Variants in AASDH observed in about 807,000 individuals in gnomAD.
The protein encoded by AASDH is beta-alanine-activating enzyme.
Under a neutral mutation model 102.3 loss-of-function variants are expected in AASDH, and 81 were observed. The ratio of observed to expected loss-of-function variants is 0.79; its 90% CI spans 0.66 to 0.95. The LOEUF is 0.95. Among genes scored for constraint, AASDH ranks in the 40% least tolerant of loss-of-function variants. The pLI is 0.00. For synonymous variants in AASDH, 398 were observed against 454.0 expected, an observed-to-expected ratio of 0.88 and a Z score of 1.57; for missense variants, 1,203 against 1,266.2, an observed-to-expected ratio of 0.95 and a Z score of 0.76.
At chr4:56,381,259 AG>A (rs1218268778) in intron 3 of AASDH, among the ~76,000 whole-genome samples, 2 of 152,198 alleles carry the variant, frequency 1.3e-5, no homozygotes, top group Non-Finnish European at 2.9e-5. Context: ...CACACTAATA[AG>A]TAATTATTTT....
intron 5 of AASDH, among the ~76,000 whole-genome samples, chr4:56,362,253 C>CTT (rs879849570): frequency 6.6e-6 from 1 of 150,966 alleles, no homozygotes; most frequent in Admixed American, 6.6e-5. Context: ...GTTTTGACAG[C>CTT]TTTTTTTTTC....
Position 56,345,202 on chromosome 4 carries a change from C to T in AASDH, c.2577G>A (p.Ser859=), listed in dbSNP as rs141099487. ...MFTTEDAVKS[S]ATMDPTTGLI... Reference sequence around the variant, plus strand: ...GTCCTGTGGTTGGATCCATGGTTGCCGAGCTTTTGACAGCATCTTCAGTAG... The same window carrying T: ...GTCCTGTGGTTGGATCCATGGTTGCTGAGCTTTTGACAGCATCTTCAGTAG... The change falls in exon 12 of 15, where the codon TCG becomes TCA. Residue 859 remains serine (S), a synonymous_variant. Transcript: ENST00000205214. 6.9e-5 allele frequency: 112 copies of T among 1,613,992 alleles called. 2 individuals carry two copies. In the African/African-American group the frequency reaches 8.8e-4, roughly 13 times the overall value.
chr4:56,368,446 A>G (rs1460697014), intron 5 of AASDH, among the ~76,000 whole-genome samples: 1 of 152,028 alleles, frequency 6.6e-6, no homozygotes, highest in African/African-American at 2.4e-5. Flanking sequence ...ACTATTCACA[A>G]TAGCAAAGAC....
intron 14 of AASDH, among the ~76,000 whole-genome samples, chr4:56,342,109 TCAAAAAAAAAAAAAAA>T (rs1429043144): frequency 2.2e-5 from 1 of 45,860 alleles, no homozygotes; most frequent in African/African-American, 8.9e-5. Flanking sequence ...AGATTCTGTC[TCAAAAAAAAAAAAAAA>T]AAAAAAAAAG....
intron 8 of AASDH, 52 bp from the exon 9 acceptor site, chr4:56,353,648 T>C: frequency 6.9e-7 from 1 of 1,458,954 alleles, no homozygotes; most frequent in Non-Finnish European, 9.2e-7. Flanking sequence ...CAAACAAGCT[T>C]CCTAAAAGCT....
intron 2 of AASDH, among the ~76,000 whole-genome samples, chr4:56,383,856 A>G (rs1210532612): frequency 6.6e-6 from 1 of 152,136 alleles, no homozygotes; most frequent in East Asian, 1.9e-4. Flanking sequence ...CTATTAGTGA[A>G]AGCTTCTAGT....
At position 56,365,967 on chromosome 4, in the gene AASDH, T is replaced by C. The variant is rs565332054; in HGVS notation, c.861+5484A>G. Among the ~76,000 whole-genome samples the C allele has an allele frequency of 2.0e-4, 30 of 152,038 alleles. No individual in the cohort carries two copies. The East Asian group carries it at 4.6e-3, about 24-fold the overall frequency. On this transcript the variant is annotated intron_variant, in intron 5 of 14. Coordinates refer to ENST00000205214, the MANE Select transcript of AASDH (RefSeq NM_181806.4). ...GAAAAGATCAACAAAATTGATAGAC[T>C]GCTAGCAAGACTAATAAAGAAGAAA...
chr4:56,380,694 C>A (rs1752849677), intron 3 of AASDH, among the ~76,000 whole-genome samples: 3 of 152,118 alleles, frequency 2.0e-5, no homozygotes, highest in Non-Finnish European at 4.4e-5. Context: ...ATGCTAATGC[C>A]CTCCCAATCA....
chr4:56,359,322 T>G (rs1750015572), intron 5 of AASDH, among the ~76,000 whole-genome samples: 2 of 142,178 alleles, frequency 1.4e-5, no homozygotes, highest in Non-Finnish European at 3.0e-5. Context: ...CACCACAACA[T>G]CCGCCTCCTG....
At chr4:56,343,757 ATT>A in intron 12 of AASDH, 73 bp from the exon 13 acceptor site, 1 of 1,408,576 alleles carries the variant, frequency 7.1e-7, no homozygotes, top group Non-Finnish European at 9.6e-7. Flanking sequence ...CCTTCATGAT[ATT>A]ATGTCTGTTT....
intron 5 of AASDH, among the ~76,000 whole-genome samples, chr4:56,364,599 T>C (rs975759675): frequency 1.3e-5 from 2 of 152,322 alleles, no homozygotes; most frequent in Admixed American, 6.5e-5. Flanking sequence ...CAACCCAGAA[T>C]TTCATATCCA....
At chr4:56,338,854 G>A in intron 14 of AASDH, 63 bp from the exon 15 acceptor site, 1 of 1,465,296 alleles carries the variant, frequency 6.8e-7, no homozygotes, top group South Asian at 1.2e-5. Flanking sequence ...CTCCCTTAAA[G>A]CTCTATGAGG....
rs140605841 is a variant in AASDH, at chr4:56,382,546, C to T, written c.282G>A (p.Pro94=). 6.8e-6 allele frequency: 11 copies of T among 1,608,868 alleles called. No homozygotes were observed. The East Asian group carries it at 8.9e-5, about 13-fold the overall frequency. Residue 94 remains proline (P), a synonymous_variant, in exon 3 of 15, where the codon CCG becomes CCA. Transcript: ENST00000205214. ...TTTTCATAAAATGAGTTGATAATGA[C>T]GGTGGTGAATCTGGCTCGATAGGTA... ...AYVPIEPDSP[P]SLSTHFMKKC...
chr4:56,378,360 G>A lies in AASDH; in HGVS notation c.456C>T (p.Asn152=). The part of the protein sequence containing the change: ...FRLHWKNTEV[N]LMLNDGKEKY... Reference sequence around the variant, plus strand: ...TCTCTTTTCCATCATTTAGCATCAAGTTCACCTCAGTATTTTTCCAGTGAA... The same window carrying A: ...TCTCTTTTCCATCATTTAGCATCAAATTCACCTCAGTATTTTTCCAGTGAA... The change falls in exon 4 of 15, where the codon AAC becomes AAT. Residue 152 remains asparagine, a synonymous_variant. Coordinates refer to ENST00000205214, the MANE Select transcript of AASDH (RefSeq NM_181806.4). 1 of 1,613,672 alleles carries A rather than the reference G, an allele frequency of 6.2e-7. No homozygotes were observed. The highest frequency in any genetic ancestry group is 8.5e-7 in the Non-Finnish European group (1 of 1,179,784).
At chr4:56,366,275 G>A (rs1010016811) in intron 5 of AASDH, among the ~76,000 whole-genome samples, 3 of 152,070 alleles carry the variant, frequency 2.0e-5, no homozygotes, top group South Asian at 4.2e-4. Flanking sequence ...ATTCACAGCC[G>A]AATTCTACCA....
chr4:56,366,426 A>G (rs1452860677), intron 5 of AASDH, among the ~76,000 whole-genome samples: 2 of 152,184 alleles, frequency 1.3e-5, no homozygotes, highest in African/African-American at 2.4e-5. Flanking sequence ...AAAAAAGAGA[A>G]TTTTAGACCA....
intron 10 of AASDH, 75 bp from the exon 11 acceptor site, chr4:56,350,133 T>C: frequency 8.2e-7 from 1 of 1,218,254 alleles, no homozygotes; most frequent in Non-Finnish European, 1.1e-6. Context: ...ACAGGTAATA[T>C]ATAGAGATGA....
At chr4:56,359,451 A>G (rs907596641) in intron 5 of AASDH, among the ~76,000 whole-genome samples, 2 of 149,910 alleles carry the variant, frequency 1.3e-5, no homozygotes, top group Non-Finnish European at 3.0e-5. Flanking sequence ...TTTAGTAGAG[A>G]CGAGGTGTGG....
intron 10 of AASDH, among the ~76,000 whole-genome samples, chr4:56,350,426 C>T (rs192274832): frequency 0.012 from 1,875 of 151,928 alleles, 16 homozygotes; most frequent in South Asian, 0.021. Flanking sequence ...TGCACTCCCG[C>T]CTGGGCAACA....
Sources: gnomAD v4.1 joint callset for allele counts (sites outside exome capture counted in the v4.1 genomes callset) on GRCh38, gnomAD v4.1.1 for gene constraint, MANE v1.5 for transcripts, NCBI Gene and HGNC (gene_info 2026-07-23, HGNC 2026-07-21) for gene names.